CLBA1: variants seen among roughly 807,000 people sequenced by gnomAD.
CLBA1 encodes clathrin binding box of aftiphilin containing 1, also known as uncharacterized protein CLBA1.
Under a neutral mutation model 28.8 loss-of-function variants are expected in CLBA1, and 30 were observed. That is an observed-to-expected ratio of 1.04 (90% CI 0.78 to 1.41). The LOEUF is 1.41. Among genes scored for constraint, CLBA1 ranks in the 40% most tolerant of loss-of-function variants. The pLI, the probability that CLBA1 is intolerant of heterozygous loss-of-function variation, is 0.00. For missense variants in CLBA1, 451 were observed against 412.3 expected, an observed-to-expected ratio of 1.09 and a Z score of -0.81; for synonymous variants, 160 against 152.8, an observed-to-expected ratio of 1.05 and a Z score of -0.35.
Position 104,991,352 on chromosome 14 carries a change from A to T in CLBA1, c.570-139A>T, listed in dbSNP as rs1050756676. The T allele has an allele frequency of 8.3e-6, 8 of 960,216 alleles. No homozygotes were observed. The African/African-American group carries it at 9.9e-5, about 12-fold the overall frequency. The allele number at this position is 960,216 out of a possible 1,614,324, so 59.5% of individuals were successfully genotyped here. A position where few individuals can be genotyped will look rare whatever the true frequency, so the allele number is the denominator to read the frequency against. On this transcript the variant is annotated intron_variant, in intron 2 of 4. Coordinates refer to ENST00000547315, the MANE Select transcript of CLBA1 (RefSeq NM_174891.4). ...GAACACTGTTTTTAGAGTTCTTAAC[A>T]GCCATACGCCTCTTGGCTTGTGCGC...
chr14:104,999,388 C>A, downstream of CLBA1: 1 of 234,442 alleles, frequency 4.3e-6, no homozygotes, highest in Non-Finnish European at 7.0e-6. Context: ...AAAACCTGGC[C>A]ACCCTGAAGC....
intron 1 of CLBA1, among the ~76,000 whole-genome samples, chr14:104,987,961 C>G: frequency 6.6e-6 from 1 of 151,914 alleles, no homozygotes; most frequent in East Asian, 1.9e-4. Flanking sequence ...AGCAGTTTCC[C>G]TGGAATCCTG....
downstream of CLBA1, among the ~76,000 whole-genome samples, chr14:104,998,380 C>T (rs1900203670): frequency 6.6e-6 from 1 of 151,500 alleles, no homozygotes; most frequent in East Asian, 1.9e-4. Flanking sequence ...CACCACTGCA[C>T]TCCAGCCTGG....
rs763590732 is a variant in CLBA1, at chr14:104,986,874, G to C, written c.423+20G>C. 1 of 1,610,058 alleles carries C rather than the reference G, an allele frequency of 6.2e-7. No homozygotes were observed. The highest frequency in any genetic ancestry group is 1.1e-5 in the South Asian group (1 of 90,966). ...TCTGAGGTATTTCTGCTGTGCTGTG[G>C]TCACCATGTTGAGTGGGACGTGTAC... On this transcript the variant is annotated intron_variant, in intron 1 of 4. Coordinates refer to ENST00000547315, the MANE Select transcript of CLBA1 (RefSeq NM_174891.4).
At chr14:104,991,903 G>GTGCACTCA (rs1900034450) in intron 3 of CLBA1, among the ~76,000 whole-genome samples, 1 of 152,160 alleles carries the variant, frequency 6.6e-6, no homozygotes. Context: ...AACAGTGTGT[G>GTGCACTCA]TGCACTCATG....
intron 3 of CLBA1, among the ~76,000 whole-genome samples, chr14:104,992,129 GCACACGCCGCCATGCACACGCCT>G (rs1595444394): frequency 4.4e-5 from 6 of 135,840 alleles, no homozygotes; most frequent in Admixed American, 2.3e-4. Flanking sequence ...ACGCCACCAC[GCACACGCCGCCATGCACACGCCT>G]CACACACCAC....
chr14:104,989,454 A>G, intron 2 of CLBA1: 1 of 398,118 alleles, frequency 2.5e-6, no homozygotes, highest in South Asian at 1.8e-5. Context: ...GACTTGGCTG[A>G]GTGGGCACCG....
intron 4 of CLBA1, chr14:104,994,022 C>T (rs12895547): frequency 0.13 from 124,128 of 985,278 alleles, 8,563 homozygotes; most frequent in African/African-American, 0.23. Flanking sequence ...GGGTGGGTTC[C>T]CTGGATGATC....
chr14:105,000,133 G>A (rs981940588), downstream of CLBA1, among the ~76,000 whole-genome samples: 6 of 152,102 alleles, frequency 3.9e-5, no homozygotes, highest in African/African-American at 4.8e-5. Flanking sequence ...AGACAGCCTC[G>A]GAAATCGGAG....
rs1447804288 is a variant in CLBA1, at chr14:104,995,311, T to TCGCA, written c.*552_*553insCGCA. Reference sequence around the variant, plus strand: ...CTCGCAGGTGCCCTCACTTACTGCCTGGGCCCCTGCCCAGCAGCCTCAAGG... The same window carrying TCGCA: ...CTCGCAGGTGCCCTCACTTACTGCCTCGCAGGGCCCCTGCCCAGCAGCCTCAAGG... On this transcript the variant is annotated 3_prime_UTR_variant, in exon 5 of 5. Transcript: ENST00000547315. 1.0e-6 allele frequency: 1 copy of TCGCA among 985,332 alleles called. No individual in the cohort carries two copies. The highest frequency in any genetic ancestry group is 1.7e-5 in the African/African-American group (1 of 57,202). The allele number at this position is 985,332 out of a possible 1,614,324, so 61.0% of individuals were successfully genotyped here. A position where few individuals can be genotyped will look rare whatever the true frequency, so the allele number is the denominator to read the frequency against.
chr14:104,992,135 G>A (rs1220243123), intron 3 of CLBA1, among the ~76,000 whole-genome samples: 12 of 124,410 alleles, frequency 9.6e-5, no homozygotes, highest in East Asian at 2.3e-4. Flanking sequence ...CCACGCACAC[G>A]CCGCCATGCA....
chr14:105,000,311 G>A (rs1280326210), downstream of CLBA1, among the ~76,000 whole-genome samples: 8 of 149,518 alleles, frequency 5.4e-5, no homozygotes, highest in African/African-American at 1.5e-4. Flanking sequence ...TTGCTGTGTC[G>A]CCCAGGCTGG....
Position 104,986,795 on chromosome 14 carries a change from C to T in CLBA1, c.364C>T (p.His122Tyr). Residue 122 changes from histidine to tyrosine, a missense_variant, in exon 1 of 5, where the codon CAC becomes TAC. His to Tyr is a moderately conservative substitution (Grantham distance 83). Coordinates refer to ENST00000547315, the MANE Select transcript of CLBA1 (RefSeq NM_174891.4). ...TTCTGCCCCAAAAGAGTGCAGTTCTCACCAACCATGCCAGGGTGGACCTTG... is the reference window on the plus strand; with the variant it reads ...TTCTGCCCCAAAAGAGTGCAGTTCTTACCAACCATGCCAGGGTGGACCTTG... Reference protein sequence around the residue: ...TTSAPKECSSHQPCQGGPWVT... With the variant: ...TTSAPKECSSYQPCQGGPWVT... 2 of 1,613,766 alleles carry T rather than the reference C, an allele frequency of 1.2e-6. No homozygotes were observed. Among genetic ancestry groups the T allele is most frequent in the Non-Finnish European group, 1.7e-6 (2 of 1,180,024 alleles).
At chr14:104,996,589 A>C (rs982387872), downstream of CLBA1, among the ~76,000 whole-genome samples, 1 of 152,182 alleles carries the variant, frequency 6.6e-6, no homozygotes, top group African/African-American at 2.4e-5. Flanking sequence ...CAAGCCCCCA[A>C]AGGCTGAGGA....
At position 104,991,610 on chromosome 14, in the gene CLBA1, C is replaced by A. The variant is rs1257597990; in HGVS notation, c.689C>A (p.Ala230Asp). 4 of 1,611,958 alleles carry A rather than the reference C, an allele frequency of 2.5e-6. No homozygotes were observed. The African/African-American group carries it at 5.4e-5, about 22-fold the overall frequency. The stretch of plus-strand genomic sequence containing the variant: ...TTCTTTCTTGTTCTCGGAATAGATG[C>A]TGCGCAGAAGGTAGGCGGTTTGGGT... ...ENFFLVLGID[A>D]AQKNLSGGQG... Residue 230 changes from alanine (A) to aspartate (D), a missense_variant, in exon 3 of 5, where the codon GCT (alanine) becomes GAT (aspartate). Ala to Asp is a moderately radical substitution (Grantham distance 126). Coordinates refer to ENST00000547315, the MANE Select transcript of CLBA1 (RefSeq NM_174891.4).
Position 104,986,444 on chromosome 14 carries a change from C to A in CLBA1, c.13C>A (p.Arg5=). 1.2e-6 allele frequency: 2 copies of A among 1,612,420 alleles called. No individual in the cohort carries two copies. The highest frequency in any genetic ancestry group is 1.7e-6 in the Non-Finnish European group (2 of 1,179,866). Reference sequence around the variant, plus strand: ...TGGGGGCTCCAAGATGCAAGGCCGGCGGGAGCTGGGGGGAGAGCCTTTGAG... The same window carrying A: ...TGGGGGCTCCAAGATGCAAGGCCGGAGGGAGCTGGGGGGAGAGCCTTTGAG... MQGR[R]ELGGEPLSDL... is the part of the protein sequence containing the mutation. The change falls in exon 1 of 5, where the codon CGG becomes AGG. Residue 5 remains arginine, a synonymous_variant. Coordinates refer to ENST00000547315, the MANE Select transcript of CLBA1 (RefSeq NM_174891.4).
intron 4 of CLBA1, 63 bp downstream of exon 4, chr14:104,993,127 C>T: frequency 1.3e-6 from 2 of 1,557,766 alleles, no homozygotes; most frequent in Non-Finnish European, 1.7e-6. Context: ...CATGTGGAGC[C>T]CTCCGCTTTC....
At chr14:104,993,833 A>C in intron 4 of CLBA1, 1 of 985,448 alleles carries the variant, frequency 1.0e-6, no homozygotes, top group African/African-American at 1.7e-5. Context: ...GGCTGTGAGC[A>C]TGAAGAGTGA....
At chr14:104,991,311 A>G (rs1408692308) in intron 2 of CLBA1, 180 bp from the exon 3 acceptor site, 2 of 597,232 alleles carry the variant, frequency 3.3e-6, no homozygotes, top group African/African-American at 3.8e-5. Flanking sequence ...GGCGTGAGCC[A>G]CTGTGCCCAG....
Sources: allele counts gnomAD v4.1 joint callset (sites outside exome capture counted in the v4.1 genomes callset), GRCh38; gene constraint gnomAD v4.1.1; transcripts MANE v1.5; gene names NCBI Gene and HGNC (gene_info 2026-07-23, HGNC 2026-07-21).